HGS: variants seen among roughly 807,000 people sequenced by gnomAD.
HGS encodes hepatocyte growth factor-regulated tyrosine kinase substrate, also known as human growth factor-regulated tyrosine kinase substrate.
Under a neutral mutation model 109.7 loss-of-function variants are expected in HGS, and 63 were observed. The ratio of observed to expected loss-of-function variants is 0.57; its 90% CI spans 0.47 to 0.71. HGS has a LOEUF of 0.71. Among genes scored for constraint, HGS ranks in the 30% least tolerant of loss-of-function variants. HGS has a pLI of 0.00. For missense variants in HGS, 995 were observed against 1,068.3 expected (o/e 0.93, Z 0.96); for synonymous variants, 546 against 437.3 (o/e 1.25, Z -3.10).
chr17:81,698,756 C>T (rs138051122), intron 18 of HGS, among the ~76,000 whole-genome samples: 7 of 152,216 alleles, frequency 4.6e-5, no homozygotes, highest in African/African-American at 1.2e-4. Context: ...CGAATACATG[C>T]GTCTTTGTAT....
chr17:81,690,475 A>G (rs1034639498), intron 6 of HGS, 199 bp from the exon 7 acceptor site: 2 of 627,210 alleles, frequency 3.2e-6, no homozygotes, highest in African/African-American at 1.8e-5. Context: ...AGCACCTTTG[A>G]TGAGGAAGGA....
At chr17:81,690,942 G>C (rs1295417354) in intron 7 of HGS, 200 bp downstream of exon 7, 1 of 545,830 alleles carries the variant, frequency 1.8e-6, no homozygotes, top group Non-Finnish European at 3.2e-6. Flanking sequence ...TGCCTGGGCC[G>C]GGCCCAGCCT....
In HGS at chr17:81,691,669, C is replaced by T; in HGVS notation, c.662+98C>T. ...CATGGTGCCTGAGGCCTGCAGACCCCAGAGGACCCTCACAGCACAGCAGCT... is the reference window on the plus strand; with the variant it reads ...CATGGTGCCTGAGGCCTGCAGACCCTAGAGGACCCTCACAGCACAGCAGCT... On this transcript the variant is annotated intron_variant, in intron 8 of 21. Coordinates refer to ENST00000329138, the MANE Select transcript of HGS (RefSeq NM_004712.5). The surrounding 1 kb of genome is among the most constrained non-coding windows in gnomAD (Gnocchi z 5.3). 6.7e-7 allele frequency: 1 copy of T among 1,484,182 alleles called. No homozygotes were observed. The allele number at this position is 1,484,182 out of a possible 1,614,324, so 91.9% of individuals were successfully genotyped here.
chr17:81,686,739 C>T (rs933750103), intron 3 of HGS, among the ~76,000 whole-genome samples: 1 of 152,190 alleles, frequency 6.6e-6, no homozygotes. Flanking sequence ...ACTGGCCTGA[C>T]GGGCCTGTTG....
At chr17:81,694,073 C>T (rs1324048055) in intron 11 of HGS, 108 bp downstream of exon 11, 19 of 941,956 alleles carry the variant, frequency 2.0e-5, no homozygotes, top group African/African-American at 8.3e-5. Flanking sequence ...TGCGGGTCCC[C>T]GGGCTTCCCA....
In HGS at chr17:81,691,281, C is replaced by G; in HGVS notation, c.538-166C>G. ...GGCGTTGAGACTCCCGGGAGCATGT[C>G]CAGGTTCCCCGGCCTTAGGGTCTTC... On this transcript the variant is annotated intron_variant, in intron 7 of 21. Transcript: ENST00000329138. This position sits in a 1 kb window ranked among gnomAD's most constrained non-coding sequence, Gnocchi z 5.3. 1 of 778,054 alleles carries G rather than the reference C, an allele frequency of 1.3e-6. No homozygotes were observed. The highest frequency in any genetic ancestry group is 2.1e-6 in the Non-Finnish European group (1 of 478,044). 48.2% of individuals were successfully genotyped at this position (778,054 alleles called of 1,614,324 possible). A position where few individuals can be genotyped will look rare whatever the true frequency, so the allele number is the denominator to read the frequency against.
In HGS at chr17:81,690,221, T is replaced by C; in HGVS notation, c.455T>C (p.Phe152Ser). 6.2e-7 allele frequency: 1 copy of C among 1,613,912 alleles called. No homozygotes were observed. The highest frequency in any genetic ancestry group is 8.5e-7 in the Non-Finnish European group (1 of 1,179,848). ...GAATTCAAAGAGAGCGATGCCATGT[T>C]TGCTGCCGAGAGAGTGAGTGTGGGC... ...FPEFKESDAM[F>S]AAERAPDWVD... The change falls in exon 6 of 22, where the codon TTT becomes TCT. Residue 152 changes from phenylalanine (F) to serine (S), a missense_variant. Physicochemically the swap from Phe to Ser is radical, Grantham distance 155 (BLOSUM62 -2). Coordinates refer to ENST00000329138, the MANE Select transcript of HGS (RefSeq NM_004712.5).
At chr17:81,685,549 C>A in intron 1 of HGS, 56 bp from the exon 2 acceptor site, 3 of 1,279,938 alleles carry the variant, frequency 2.3e-6, no homozygotes, top group Non-Finnish European at 3.3e-6. Context: ...AGCTGGGGTG[C>A]TGCACGGGGC....
At position 81,691,692 on chromosome 17, in the gene HGS, G is replaced by C. The variant is rs545590518; in HGVS notation, c.662+121G>C. 4.7e-5 allele frequency: 63 copies of C among 1,333,796 alleles called. No homozygotes were observed. In the African/African-American group the frequency reaches 7.8e-4, roughly 16 times the overall value. 82.6% of individuals were successfully genotyped at this position (1,333,796 alleles called of 1,614,324 possible). A position where few individuals can be genotyped will look rare whatever the true frequency, so the allele number is the denominator to read the frequency against. On this transcript the variant is annotated intron_variant, in intron 8 of 21. Transcript: ENST00000329138. The surrounding 1 kb of genome is among the most constrained non-coding windows in gnomAD (Gnocchi z 5.3). ...CCCAGAGGACCCTCACAGCACAGCA[G>C]CTGGAAGGTCAAGGGAAACCCAGGG...
chr17:81,684,316 C>T (rs1213860613), intron 1 of HGS: 1 of 387,180 alleles, frequency 2.6e-6, no homozygotes, highest in East Asian at 4.0e-5. Context: ...AAATGGGGCT[C>T]TGCGAGGGTC....
rs757137636 is a variant in HGS, at chr17:81,701,561, G to A, written c.2277G>A (p.Pro759=). The change falls in exon 22 of 22, where the codon CCG becomes CCA. Residue 759 remains proline, a synonymous_variant. Coordinates refer to ENST00000329138, the MANE Select transcript of HGS (RefSeq NM_004712.5). Reference sequence around the variant, plus strand: ...AGCAGCCCCCCGTGGCCCAGCAACCGCAGGCACAGGGGCCGCCGGCACAGG... The same window carrying A: ...AGCAGCCCCCCGTGGCCCAGCAACCACAGGCACAGGGGCCGCCGGCACAGG... ...PQQQPPVAQQ[P]QAQGPPAQGS... The A allele has an allele frequency of 7.4e-5, 116 of 1,571,918 alleles. 2 individuals are homozygous for A. In the South Asian group the frequency reaches 8.6e-4, roughly 12 times the overall value.
Position 81,700,603 on chromosome 17 carries a change from A to G in HGS, c.2016+3A>G, listed in dbSNP as rs2037220984. On this transcript the variant is annotated splice_donor_region_variant and intron_variant, in intron 19 of 21. Transcript: ENST00000329138. Reference sequence around the variant, plus strand: ...CTACTCCCACAGCGGGCTACCAGGTACACAGGAAGGCCGCTCCTCTCCTTC... The same window carrying G: ...CTACTCCCACAGCGGGCTACCAGGTGCACAGGAAGGCCGCTCCTCTCCTTC... The G allele has an allele frequency of 6.2e-7, 1 of 1,601,500 alleles. No homozygotes were observed. Among genetic ancestry groups the G allele is most frequent in the Non-Finnish European group, 8.5e-7 (1 of 1,173,000 alleles).
rs990044102 is a variant in HGS at position 81,701,399 on chromosome 17, G to A, written c.2224-109G>A. The stretch of plus-strand genomic sequence containing the variant: ...CTGGCTGCATGAGCTGCAGTCCGTG[G>A]ACATGGATTACAAGCACTTGTGGGT... On this transcript the variant is annotated intron_variant, in intron 21 of 21. Transcript: ENST00000329138. 1.2e-5 allele frequency: 14 copies of A among 1,211,452 alleles called. No homozygotes were observed. In the African/African-American group the frequency reaches 1.5e-4, roughly 13 times the overall value. The allele number at this position is 1,211,452 out of a possible 1,614,324, so 75.0% of individuals were successfully genotyped here.
chr17:81,688,405 G>A (rs1186162839), intron 4 of HGS, among the ~76,000 whole-genome samples: 2 of 152,246 alleles, frequency 1.3e-5, no homozygotes, highest in African/African-American at 4.8e-5. Flanking sequence ...GTTGGAGGCT[G>A]ACGGGAACCG....
Position 81,701,655 on chromosome 17 carries a change from C to T in HGS, c.*37C>T, listed in dbSNP as rs1420126706. ...CTCACGTCCGGAGTAACACTACATA[C>T]AGTTCACCTGAAACGCCTCGTCTCT... On this transcript the variant is annotated 3_prime_UTR_variant, in exon 22 of 22. Transcript: ENST00000329138. The T allele has an allele frequency of 7.2e-6, 11 of 1,523,858 alleles. No homozygotes were observed. The highest frequency in any genetic ancestry group is 7.9e-6 in the Non-Finnish European group (9 of 1,136,222). 94.4% of individuals were successfully genotyped at this position (1,523,858 alleles called of 1,614,324 possible). A position where few individuals can be genotyped will look rare whatever the true frequency, so the allele number is the denominator to read the frequency against.
In HGS at chr17:81,701,758, C is replaced by T; in HGVS notation, c.*140C>T. On this transcript the variant is annotated 3_prime_UTR_variant, in exon 22 of 22. Coordinates refer to ENST00000329138, the MANE Select transcript of HGS (RefSeq NM_004712.5). ...TGCGAGTGAGGGGGGGCCTTCACCC[C>T]AAGCCCACCTCCCTTGTCCTCAGCC... The T allele has an allele frequency of 3.2e-6, 4 of 1,249,736 alleles. No individual in the cohort carries two copies. Among genetic ancestry groups the T allele is most frequent in the Non-Finnish European group, 4.3e-6 (4 of 928,692 alleles). The allele number at this position is 1,249,736 out of a possible 1,614,324, so 77.4% of individuals were successfully genotyped here.
rs1222697983 is a variant in HGS at position 81,696,625 on chromosome 17, A to G, written c.1585A>G (p.Arg529Gly). 1 of 1,609,500 alleles carries G rather than the reference A, an allele frequency of 6.2e-7. No individual in the cohort carries two copies. Among genetic ancestry groups the G allele is most frequent in the Non-Finnish European group, 8.5e-7 (1 of 1,178,206 alleles). ...QKKQEYLEVQ[R>G]QLAIQRLQEQ... is the part of the protein sequence containing the mutation. ...CGCACAGGAGTACCTGGAGGTGCAG[A>G]GGCAGCTGGCCATCCAGCGCCTGCA... The change falls in exon 17 of 22, where the codon AGG becomes GGG. Residue 529 changes from arginine to glycine, a missense_variant. Transcript: ENST00000329138.
intron 1 of HGS, among the ~76,000 whole-genome samples, chr17:81,684,609 C>T (rs1013799484): frequency 6.6e-6 from 1 of 152,172 alleles, no homozygotes; most frequent in Admixed American, 6.5e-5. Context: ...TCGGGAAGTG[C>T]CTAATGGTTT....
chr17:81,693,560 C>G lies in HGS; in HGVS notation c.720C>G (p.Ser240Arg), dbSNP rs765889284. The change falls in exon 9 of 22, where the codon AGC becomes AGG. Residue 240 changes from serine to arginine, a missense_variant. Ser to Arg is a moderately radical substitution (Grantham distance 110). This residue lies in a region of HGS where 300 missense variants were observed against 235.4 expected (regional missense o/e 1.27). Coordinates refer to ENST00000329138, the MANE Select transcript of HGS (RefSeq NM_004712.5). ...AGCTGCCCCCCGAGTACCTGACCAG[C>G]CCCCTGTCTCAGCAGTCCCAGGTAC... ...TTELPPEYLT[S>R]PLSQQSQLPP... 4.4e-5 allele frequency: 71 copies of G among 1,611,014 alleles called. No individual in the cohort carries two copies. Among genetic ancestry groups the G allele is most frequent in the Non-Finnish European group, 5.0e-5 (59 of 1,177,928 alleles).
Sources: gnomAD v4.1 joint callset for allele counts (sites outside exome capture counted in the v4.1 genomes callset) on GRCh38, gnomAD v4.1.1 for gene constraint, gnomAD v4.1.1 regional missense constraint, Gnocchi (gnomAD v3.1) non-coding constraint, MANE v1.5 for transcripts, NCBI Gene and HGNC (gene_info 2026-07-23, HGNC 2026-07-21) for gene names.